Variants in DCDC2C observed in about 807,000 individuals in gnomAD.
DCDC2C encodes doublecortin domain-containing protein 2C.
A neutral mutation model predicts 45.0 loss-of-function variants in DCDC2C; 44 were observed. The observed-to-expected ratio is 0.98, with a 90% CI of 0.77 to 1.26. The LOEUF is 1.26. Among genes scored for constraint, DCDC2C ranks in the 50% most tolerant of loss-of-function variants. The pLI is 0.00. For missense variants in DCDC2C, 447 were observed against 468.9 expected (o/e 0.95, Z 0.43); for synonymous variants, 187 against 178.8 (o/e 1.05, Z -0.37).
chr2:3,749,403 T>C (rs897272903), intron 4 of DCDC2C, among the ~76,000 whole-genome samples: 1 of 152,222 alleles, frequency 6.6e-6, no homozygotes, highest in African/African-American at 2.4e-5. Flanking sequence ...AAGCCGCCGT[T>C]CTCCGTATGT....
intron 2 of DCDC2C, chr2:3,725,886 AGCAG>A (rs1668664147): frequency 6.2e-6 from 1 of 160,920 alleles, no homozygotes; most frequent in Non-Finnish European, 1.3e-5. Flanking sequence ...GAGGGAGACA[AGCAG>A]AGAGTGACGA....
intron 6 of DCDC2C, among the ~76,000 whole-genome samples, chr2:3,760,239 A>T (rs773279811): frequency 2.2e-4 from 34 of 152,186 alleles, no homozygotes; most frequent in Non-Finnish European, 4.6e-4. Flanking sequence ...AGAAGAAAAT[A>T]TTTTTTTCTT....
At chr2:3,786,803 T>C (rs959800707) in intron 10 of DCDC2C, among the ~76,000 whole-genome samples, 1 of 152,262 alleles carries the variant, frequency 6.6e-6, no homozygotes, top group East Asian at 1.9e-4. Flanking sequence ...ACTTGCTAGG[T>C]GTCCTTTGTT....
At chr2:3,779,971 A>G (rs1670467530) in intron 9 of DCDC2C, among the ~76,000 whole-genome samples, 1 of 152,214 alleles carries the variant, frequency 6.6e-6, no homozygotes, top group South Asian at 2.1e-4. Context: ...TTTAGAAAAC[A>G]CCAAAGCAGC....
At chr2:3,707,642 C>T (rs1460079394) in intron 1 of DCDC2C, among the ~76,000 whole-genome samples, 4 of 152,314 alleles carry the variant, frequency 2.6e-5, no homozygotes, top group South Asian at 2.1e-4. Flanking sequence ...GTTGTAGCTG[C>T]GTGCATCTCC....
At position 3,797,701 on chromosome 2, in the gene DCDC2C, G is replaced by A. The variant is rs1475769692; in HGVS notation, c.1065+12601G>A. 2.6e-5 allele frequency among the ~76,000 whole-genome samples: 4 copies of A among 151,948 alleles called. No homozygotes were observed. In the East Asian group the frequency reaches 7.7e-4, roughly 29 times the overall value. On this transcript the variant is annotated intron_variant, in intron 10 of 10. Coordinates refer to ENST00000399143, the MANE Select transcript of DCDC2C (RefSeq NM_001287444.2). ...GGTTTTGAGTGAGATTCTTAATCCT[G>A]AGTTTTAGTTTGATTGCACTGTGGT... is the stretch of plus-strand genomic sequence containing the variant.
intron 10 of DCDC2C, among the ~76,000 whole-genome samples, chr2:3,794,308 C>T (rs1670898037): frequency 6.6e-6 from 1 of 152,136 alleles, no homozygotes; most frequent in Admixed American, 6.5e-5. Context: ...TATTGTGACA[C>T]TGTCAAACAC....
intron 1 of DCDC2C, among the ~76,000 whole-genome samples, chr2:3,706,058 C>T (rs1436414719): frequency 2.0e-5 from 3 of 152,158 alleles, no homozygotes; most frequent in Non-Finnish European, 2.9e-5. Context: ...GGAATTCAGA[C>T]TTTGGTGAAC....
intron 10 of DCDC2C, among the ~76,000 whole-genome samples, chr2:3,819,215 C>T (rs1006673147): frequency 5.3e-5 from 8 of 152,206 alleles, no homozygotes; most frequent in African/African-American, 1.9e-4. Flanking sequence ...GAGCCTTGGG[C>T]CAGAGTTCCA....
intron 2 of DCDC2C, among the ~76,000 whole-genome samples, chr2:3,724,842 C>A (rs1056409506): frequency 7.9e-5 from 12 of 152,168 alleles, no homozygotes; most frequent in Admixed American, 4.6e-4. Context: ...AGACCCCTGG[C>A]AGAGGTGAGG....
chr2:3,706,598 A>G (rs1307981809), intron 1 of DCDC2C, among the ~76,000 whole-genome samples: 1 of 152,116 alleles, frequency 6.6e-6, no homozygotes, highest in Non-Finnish European at 1.5e-5. Context: ...AAAGAATTTG[A>G]ATGCTTAGGA....
rs1222538856 is a variant in DCDC2C at position 3,831,162 on chromosome 2, C to T, written c.1066-15992C>T. ...CGTAAAAACTTGGGGTGGTTTTCTC[C>T]TATTTGTAGACAGCCCTCTTCCAAA... On this transcript the variant is annotated intron_variant, in intron 10 of 10. Coordinates refer to ENST00000399143, the MANE Select transcript of DCDC2C (RefSeq NM_001287444.2). Among the ~76,000 whole-genome samples the T allele has an allele frequency of 3.9e-5, 6 of 151,912 alleles. No homozygotes were observed. In the South Asian group the frequency reaches 8.3e-4, roughly 21 times the overall value.
Position 3,767,182 on chromosome 2 carries a change from G to A in DCDC2C, c.727-572G>A, listed in dbSNP as rs564532943. Among the ~76,000 whole-genome samples the A allele has an allele frequency of 3.9e-5, 6 of 152,328 alleles. No individual in the cohort carries two copies. The East Asian group carries it at 1.2e-3, about 29-fold the overall frequency. On this transcript the variant is annotated intron_variant, in intron 6 of 10. Coordinates refer to ENST00000399143, the MANE Select transcript of DCDC2C (RefSeq NM_001287444.2). ...GGATGTGACCACGTCCTAATTTGAGGAGCAGGTATCTGCATGTCATCTTAC... is the reference window on the plus strand; with the variant it reads ...GGATGTGACCACGTCCTAATTTGAGAAGCAGGTATCTGCATGTCATCTTAC...
At chr2:3,828,833 A>G (rs577310202) in intron 10 of DCDC2C, among the ~76,000 whole-genome samples, 1 of 152,266 alleles carries the variant, frequency 6.6e-6, no homozygotes, top group African/African-American at 2.4e-5. Context: ...TGCAAGTTTC[A>G]TTTTTCTGGG....
At chr2:3,774,601 G>A (rs1415763791) in intron 8 of DCDC2C, among the ~76,000 whole-genome samples, 1 of 152,148 alleles carries the variant, frequency 6.6e-6, no homozygotes, top group Non-Finnish European at 1.5e-5. Context: ...GCTTTCCCAG[G>A]GACCCCTCTG....
chr2:3,723,222 G>A (rs1022621883), intron 2 of DCDC2C, among the ~76,000 whole-genome samples: 4 of 152,158 alleles, frequency 2.6e-5, no homozygotes, highest in Non-Finnish European at 5.9e-5. Context: ...GGTTGAACAC[G>A]ACAACCAGGG....
chr2:3,731,983 C>T (rs73142821), intron 3 of DCDC2C, among the ~76,000 whole-genome samples: 175 of 152,030 alleles, frequency 1.2e-3, no homozygotes, highest in African/African-American at 4.0e-3. Context: ...GGACTGAGTA[C>T]GGTAGGGGGC....
At chr2:3,778,961 G>A (rs375565758) in intron 9 of DCDC2C, 77 bp downstream of exon 9, 2 of 1,391,102 alleles carry the variant, frequency 1.4e-6, no homozygotes, top group Non-Finnish European at 2.0e-6. Flanking sequence ...ACGTTTGGTG[G>A]TGAAAGGATC....
chr2:3,739,876 A>G (rs1669152630), intron 3 of DCDC2C, among the ~76,000 whole-genome samples: 1 of 152,250 alleles, frequency 6.6e-6, no homozygotes, highest in Admixed American at 6.5e-5. Context: ...CTGGGGCTTC[A>G]GGAGCTGGAA....
Sources: gnomAD v4.1 joint callset for allele counts (sites outside exome capture counted in the v4.1 genomes callset) on GRCh38, gnomAD v4.1.1 for gene constraint, MANE v1.5 for transcripts, NCBI Gene and HGNC (gene_info 2026-07-23, HGNC 2026-07-21) for gene names.